The following TMEM132B variants were observed in gnomAD, a reference collection of about 807,000 sequenced individuals.
TMEM132B encodes transmembrane protein 132B.
Under a neutral mutation model 90.8 loss-of-function variants are expected in TMEM132B, and 18 were observed. The observed-to-expected ratio is 0.20, with a 90% CI of 0.14 to 0.29. The LOEUF (loss-of-function observed/expected upper bound fraction) is 0.29. TMEM132B is among the 10% of genes least tolerant of loss of function. The pLI is 1.00. For missense variants in TMEM132B, 1,096 were observed against 1,326.8 expected (o/e 0.83, Z 2.70); for synonymous variants, 504 against 523.3 (o/e 0.96, Z 0.50).
At chr12:125,488,505 G>C in intron 3 of TMEM132B, among the ~76,000 whole-genome samples, 1 of 152,170 alleles carries the variant, frequency 6.6e-6, no homozygotes. Context: ...TCTCGTGATA[G>C]TGAATGAGTC....
intron 1 of TMEM132B, among the ~76,000 whole-genome samples, chr12:125,205,598 G>A (rs1873162780): frequency 6.6e-6 from 1 of 152,248 alleles, no homozygotes; most frequent in Admixed American, 6.5e-5. Context: ...GGGAGGGTGT[G>A]ACTTGACCAG....
At chr12:125,357,278 G>A (rs1369383408) in intron 2 of TMEM132B, among the ~76,000 whole-genome samples, 1 of 152,184 alleles carries the variant, frequency 6.6e-6, no homozygotes, top group Admixed American at 6.5e-5. Flanking sequence ...TGTGATTACT[G>A]ATTCGTCACC....
At position 125,498,848 on chromosome 12, in the gene TMEM132B, A is replaced by G. The variant is rs556054750; in HGVS notation, c.1107-20591A>G. 8.3e-4 allele frequency among the ~76,000 whole-genome samples: 127 copies of G among 152,368 alleles called. No individual in the cohort carries two copies. Among genetic ancestry groups the G allele is most frequent in the African/African-American group, 3.0e-3 (124 of 41,586 alleles). Reference sequence around the variant, plus strand: ...CCATTGCTTTCATTTCTAGTAAATCAGGTCTCCTGCCCAAAGGGCATGCAG... The same window carrying G: ...CCATTGCTTTCATTTCTAGTAAATCGGGTCTCCTGCCCAAAGGGCATGCAG... On this transcript the variant is annotated intron_variant, in intron 3 of 8. Transcript: ENST00000682704. This position sits in a 1 kb window ranked among gnomAD's most constrained non-coding sequence, Gnocchi z 4.5.
intron 1 of TMEM132B, among the ~76,000 whole-genome samples, chr12:125,253,723 G>T (rs10744197): frequency 0.86 from 130,651 of 152,138 alleles, 56,182 homozygotes; most frequent in East Asian, 0.96. Context: ...CGTGAACCAC[G>T]GTGCCTGGCC....
At chr12:125,512,746 T>C (rs1001510866) in intron 3 of TMEM132B, among the ~76,000 whole-genome samples, 1 of 152,084 alleles carries the variant, frequency 6.6e-6, no homozygotes, top group African/African-American at 2.4e-5. Context: ...GAACTGCCCT[T>C]GACAAAACGG....
At position 125,458,376 on chromosome 12, in the gene TMEM132B, A is replaced by G. The variant is rs1881350708; in HGVS notation, c.1106+42699A>G. 1.3e-5 allele frequency among the ~76,000 whole-genome samples: 2 copies of G among 152,198 alleles called. No individual in the cohort carries two copies. Among genetic ancestry groups the G allele is most frequent in the South Asian group, 2.1e-4 (1 of 4,828 alleles). The stretch of plus-strand genomic sequence containing the variant: ...GCCATAAACAACTTGGAGCTTGAAT[A>G]GAAACCAGGAAACAGCAGTTTTCAG... On this transcript the variant is annotated intron_variant, in intron 3 of 8. Coordinates refer to ENST00000682704, the MANE Select transcript of TMEM132B (RefSeq NM_001366854.1). The surrounding 1 kb of genome is among the most constrained non-coding windows in gnomAD (Gnocchi z 4.9).
chr12:125,432,463 ATATATATGTATGTG>A lies in TMEM132B; in HGVS notation c.1106+16794_1106+16807del, dbSNP rs1880550996. 1.5e-4 allele frequency among the ~76,000 whole-genome samples: 13 copies of A among 85,592 alleles called. 1 individual carries two copies. The highest frequency in any genetic ancestry group is 4.8e-4 in the African/African-American group (9 of 18,834). The allele number at this position is 85,592 out of a possible 152,430, so 56.2% of individuals were successfully genotyped here. On this transcript the variant is annotated intron_variant, in intron 3 of 8. Coordinates refer to ENST00000682704, the MANE Select transcript of TMEM132B (RefSeq NM_001366854.1). ...TGTATGTGTATATATATGTATGTGT[ATATATATGTATGTG>A]TATATATATGTATGTGTATATATAT... is the stretch of plus-strand genomic sequence containing the variant.
intron 2 of TMEM132B, among the ~76,000 whole-genome samples, chr12:125,386,854 A>G (rs532587132): frequency 2.0e-4 from 30 of 152,370 alleles, no homozygotes; most frequent in African/African-American, 7.2e-4. Context: ...AAGAAGTGTG[A>G]TGATCTGGCT....
Position 125,653,797 on chromosome 12 carries a change from A to T in TMEM132B, c.2339A>T (p.Lys780Met). ...GAACCTTGTCAGAAGACCAAGAGGA[A>T]GAGTGTTCTTGCCGTGGGTAAAGGA... ...ISEPCQKTKR[K>M]SVLAVGKGNV... The change falls in exon 9 of 9, where the codon AAG (lysine) becomes ATG (methionine). Residue 780 changes from lysine (K) to methionine (M), a missense_variant. Physicochemically the swap from Lys to Met is moderately conservative, Grantham distance 95. Transcript: ENST00000682704. The T allele has an allele frequency of 6.2e-7, 1 of 1,614,228 alleles. No homozygotes were observed. Among genetic ancestry groups the T allele is most frequent in the Non-Finnish European group, 8.5e-7 (1 of 1,180,032 alleles).
chr12:125,519,309 C>A (rs747887568), intron 3 of TMEM132B, 130 bp from the exon 4 acceptor site: 70 of 927,652 alleles, frequency 7.5e-5, no homozygotes, highest in Non-Finnish European at 1.0e-4. Context: ...GACAACACTG[C>A]CGTGTGAGTT....
rs145358885 is a variant in TMEM132B, at chr12:125,195,529, G to A, written c.67+8663G>A. Among the ~76,000 whole-genome samples the A allele has an allele frequency of 5.6e-3, 849 of 150,514 alleles. 6 individuals carry two copies. Among genetic ancestry groups the A allele is most frequent in the East Asian group, 0.03 (150 of 5,038 alleles). On this transcript the variant is annotated intron_variant, in intron 1 of 8. Coordinates refer to ENST00000682704, the MANE Select transcript of TMEM132B (RefSeq NM_001366854.1). ...TTCTCCTGCCTCAGCCTCCCAAGTA[G>A]CAGTGATTACAGGCGCTCACCACCA...
In TMEM132B at chr12:125,519,623, A is replaced by G. The variant is rs763007813; in HGVS notation, c.1291A>G (p.Met431Val). The change falls in exon 4 of 9, where the codon ATG becomes GTG. Residue 431 changes from methionine (M) to valine (V), a missense_variant and splice_region_variant. Met to Val is a conservative substitution (Grantham distance 21, BLOSUM62 1). Transcript: ENST00000682704. ...CTTCGTGGGCATCGTCCCTCTTGCC[A>G]TGGTGAGGAATCTGGGGGTTTCAGA... is the stretch of plus-strand genomic sequence containing the variant. The part of the protein sequence containing the change: ...TTFVGIVPLA[M>V]DTEVLNTAIL... The G allele has an allele frequency of 5.6e-6, 9 of 1,613,800 alleles. No individual in the cohort carries two copies. The African/African-American group carries it at 8.0e-5, about 14-fold the overall frequency.
chr12:125,574,918 A>G (rs977368316), intron 4 of TMEM132B, among the ~76,000 whole-genome samples: 1 of 151,074 alleles, frequency 6.6e-6, no homozygotes, highest in African/African-American at 2.4e-5. Context: ...CTCACTATTC[A>G]GAATAACATG....
At chr12:125,351,785 G>T (rs1222627494) in intron 2 of TMEM132B, among the ~76,000 whole-genome samples, 2 of 152,214 alleles carry the variant, frequency 1.3e-5, no homozygotes, top group African/African-American at 4.8e-5. Context: ...TGTCACCAGG[G>T]CTAGGAGTCG....
chr12:125,202,753 T>C (rs1352241846), intron 1 of TMEM132B, among the ~76,000 whole-genome samples: 1 of 151,524 alleles, frequency 6.6e-6, no homozygotes, highest in East Asian at 1.9e-4. Flanking sequence ...CTTTGGAGGC[T>C]GTCCTAGAAG....
chr12:125,223,467 G>T (rs1275404900), intron 1 of TMEM132B, among the ~76,000 whole-genome samples: 1 of 152,114 alleles, frequency 6.6e-6, no homozygotes, highest in Non-Finnish European at 1.5e-5. Context: ...GATTTTTCAA[G>T]AAAAATTTCT....
Position 125,285,263 on chromosome 12 carries a change from G to A in TMEM132B, c.68-64189G>A, listed in dbSNP as rs543874864. 8.5e-5 allele frequency among the ~76,000 whole-genome samples: 13 copies of A among 152,346 alleles called. No individual in the cohort carries two copies. In the East Asian group the frequency reaches 2.1e-3, roughly 25 times the overall value. On this transcript the variant is annotated intron_variant, in intron 1 of 8. Transcript: ENST00000682704. Reference sequence around the variant, plus strand: ...CTTCCTAAGAACCGGGTGGACTGAGGTTGAGTGAGGGATTTCCGCAAAAAT... The same window carrying A: ...CTTCCTAAGAACCGGGTGGACTGAGATTGAGTGAGGGATTTCCGCAAAAAT...
intron 4 of TMEM132B, among the ~76,000 whole-genome samples, chr12:125,536,630 G>A (rs12296266): frequency 0.27 from 40,442 of 152,134 alleles, 5,588 homozygotes; most frequent in Non-Finnish European, 0.31. Flanking sequence ...ATATTCAGTG[G>A]ATGTTGTTTA....
rs1340209629 is a variant in TMEM132B, at chr12:125,517,334, T to G, written c.1107-2105T>G. ...CGCCACCATGCCCTGCTGATTTTTT[T>G]TTTTTTTTTTTTTTTTTTTTTTTTT... On this transcript the variant is annotated intron_variant, in intron 3 of 8. Transcript: ENST00000682704. Among the ~76,000 whole-genome samples the G allele has an allele frequency of 2.9e-3, 67 of 22,814 alleles. 14 individuals are homozygous for G. The highest frequency in any genetic ancestry group is 0.01 in the Admixed American group (18 of 1,770). The allele number at this position is 22,814 out of a possible 152,430, so 15.0% of individuals were successfully genotyped here.
Sources: allele counts gnomAD v4.1 joint callset (sites outside exome capture counted in the v4.1 genomes callset), GRCh38; gene constraint gnomAD v4.1.1; non-coding constraint Gnocchi (gnomAD v3.1); transcripts MANE v1.5; gene names NCBI Gene and HGNC (gene_info 2026-07-23, HGNC 2026-07-21).